Variants in ERH observed in about 807,000 individuals in gnomAD.
The protein encoded by ERH is ERH mRNA splicing and mitosis factor.
A neutral mutation model predicts 16.8 loss-of-function variants in ERH; 1 was observed. The ratio of observed to expected loss-of-function variants is 0.06; its 90% CI spans 0.02 to 0.28. The LOEUF is 0.28. ERH is among the 10% of genes least tolerant of loss of function. The probability of loss-of-function intolerance (pLI) is 1.00; values close to 1 mark genes in which losing one functional copy is unlikely to be tolerated. For synonymous variants in ERH, 43 were observed against 43.6 expected (o/e 0.99, Z 0.05); for missense variants, 42 against 127.5 (o/e 0.33, Z 3.23).
chr14:69,397,454 A>G (rs1882373599), intron 1 of ERH, among the ~76,000 whole-genome samples: 1 of 148,888 alleles, frequency 6.7e-6, no homozygotes. Context: ...AAAAACAGGA[A>G]AAAAAAAAAA....
chr14:69,390,124 C>T (rs908405750), intron 2 of ERH, among the ~76,000 whole-genome samples: 1 of 150,178 alleles, frequency 6.7e-6, no homozygotes, highest in African/African-American at 2.4e-5. Context: ...AGTTGGAAGA[C>T]CTGATGCCAA....
intron 3 of ERH, among the ~76,000 whole-genome samples, chr14:69,382,794 GA>G (rs57755714): frequency 0.023 from 2,799 of 119,994 alleles, 40 homozygotes; most frequent in Non-Finnish European, 0.021. Flanking sequence ...ATCTCCAAAA[GA>G]AAAAAAAAAA....
At chr14:69,387,197 G>T in intron 2 of ERH, 114 bp from the exon 3 acceptor site, 1 of 809,490 alleles carries the variant, frequency 1.2e-6, no homozygotes, top group Non-Finnish European at 1.9e-6. Flanking sequence ...AATAAAGTTG[G>T]GCTGGGGAAA....
intron 1 of ERH, among the ~76,000 whole-genome samples, chr14:69,396,840 G>T (rs1194891550): frequency 6.6e-6 from 1 of 152,154 alleles, no homozygotes; most frequent in African/African-American, 2.4e-5. Context: ...GCCACAGAAA[G>T]CATCATATTA....
chr14:69,382,048 G>A (rs1351824294), intron 3 of ERH, among the ~76,000 whole-genome samples: 1 of 152,194 alleles, frequency 6.6e-6, no homozygotes, highest in Non-Finnish European at 1.5e-5. Context: ...TATTAGCTAG[G>A]TAATGCTGGA....
At chr14:69,387,958 A>G (rs917051746) in intron 2 of ERH, among the ~76,000 whole-genome samples, 3 of 152,204 alleles carry the variant, frequency 2.0e-5, no homozygotes, top group African/African-American at 7.2e-5. Context: ...AAGCAGGAGA[A>G]TGGCATGAAC....
chr14:69,398,168 G>A, intron 1 of ERH, 63 bp downstream of exon 1: 1 of 1,606,786 alleles, frequency 6.2e-7, no homozygotes, highest in South Asian at 1.1e-5. Context: ...GAAAACGTAT[G>A]GGGCTGGGGT....
chr14:69,388,235 C>G (rs1380424125), intron 2 of ERH, among the ~76,000 whole-genome samples: 2 of 151,974 alleles, frequency 1.3e-5, no homozygotes, highest in Non-Finnish European at 2.9e-5. Context: ...AGCACATGAA[C>G]AAGGATATAA....
intron 2 of ERH, among the ~76,000 whole-genome samples, chr14:69,392,126 T>A (rs1272591192): frequency 6.6e-6 from 1 of 150,660 alleles, no homozygotes; most frequent in Non-Finnish European, 1.5e-5. Context: ...AAAAACATGG[T>A]CTTAAATAAA....
intron 2 of ERH, among the ~76,000 whole-genome samples, chr14:69,393,970 A>G (rs1212219376): frequency 6.6e-6 from 1 of 151,514 alleles, no homozygotes; most frequent in African/African-American, 2.4e-5. Context: ...GCAATAAGCC[A>G]TTATCACCAC....
intron 2 of ERH, among the ~76,000 whole-genome samples, chr14:69,388,550 C>A (rs993480489): frequency 1.3e-5 from 2 of 151,994 alleles, no homozygotes; most frequent in Non-Finnish European, 2.9e-5. Context: ...TTAGTAGAGA[C>A]GGGGTTTTAC....
At chr14:69,394,936 A>G in intron 1 of ERH, 24 bp from the exon 2 acceptor site, 3 of 1,515,010 alleles carry the variant, frequency 2.0e-6, no homozygotes, top group Non-Finnish European at 2.7e-6. Flanking sequence ...CATGATTTCA[A>G]TATAAGTTTC....
intron 2 of ERH, among the ~76,000 whole-genome samples, chr14:69,394,024 GAAA>G: frequency 7.7e-6 from 1 of 129,402 alleles, no homozygotes; most frequent in Admixed American, 7.8e-5. Flanking sequence ...GTGTCTTAAG[GAAA>G]AAAAAAAAAA....
At position 69,397,778 on chromosome 14, in the gene ERH, C is replaced by A. The variant is rs879289135; in HGVS notation, c.3+453G>T. Among the ~76,000 whole-genome samples, 7 of 152,140 alleles carry A rather than the reference C, an allele frequency of 4.6e-5. No individual in the cohort carries two copies. The East Asian group carries it at 7.7e-4, about 17-fold the overall frequency. On this transcript the variant is annotated intron_variant, in intron 1 of 3. Transcript: ENST00000557016. ...TGCTAAAATAAAAAAATTAGCCGAGCGAGGTGGCGGGCGCCTGTAATCCCA... is the reference window on the plus strand; with the variant it reads ...TGCTAAAATAAAAAAATTAGCCGAGAGAGGTGGCGGGCGCCTGTAATCCCA...
rs990558248 is a variant in ERH at position 69,385,558 on chromosome 14, T to A, written c.212+1405A>T. On this transcript the variant is annotated intron_variant, in intron 3 of 3. Transcript: ENST00000557016. ...ATCCCATCAGCCTGCAAACTTACCA[T>A]TACTTTTCCCACTTAAAAAAAAGCA... Among the ~76,000 whole-genome samples, 20 of 151,934 alleles carry A rather than the reference T, an allele frequency of 1.3e-4. No homozygotes were observed. In the South Asian group the frequency reaches 1.7e-3, roughly 13 times the overall value.
At position 69,385,960 on chromosome 14, in the gene ERH, G is replaced by T. The variant is rs143921561; in HGVS notation, c.212+1003C>A. Among the ~76,000 whole-genome samples the T allele has an allele frequency of 6.6e-5, 10 of 152,212 alleles. No homozygotes were observed. The East Asian group carries it at 1.9e-3, about 29-fold the overall frequency. ...CTGCAGCCTCAAAGGCTTCCTTAAT[G>T]ACTTCAAACATGCTAGGCACTCCTA... is the stretch of plus-strand genomic sequence containing the variant. On this transcript the variant is annotated intron_variant, in intron 3 of 3. Transcript: ENST00000557016.
chr14:69,397,730 C>G (rs533556067), intron 1 of ERH, among the ~76,000 whole-genome samples: 5 of 152,218 alleles, frequency 3.3e-5, no homozygotes, highest in Admixed American at 2.6e-4. Flanking sequence ...ACCAGCCTGG[C>G]CAACATGGTG....
chr14:69,386,951 G>C lies in ERH; in HGVS notation c.212+12C>G, dbSNP rs2045896955. The C allele has an allele frequency of 1.2e-6, 2 of 1,611,844 alleles. No homozygotes were observed. Among genetic ancestry groups the C allele is most frequent in the African/African-American group, 1.3e-5 (1 of 74,854 alleles). The stretch of plus-strand genomic sequence containing the variant: ...AAAATACAAGATAAAAGACATGTTG[G>C]CTAATACTTACACCAGGCAGCTGAG... On this transcript the variant is annotated intron_variant, in intron 3 of 3. Coordinates refer to ENST00000557016, the MANE Select transcript of ERH (RefSeq NM_004450.3).
intron 3 of ERH, among the ~76,000 whole-genome samples, chr14:69,382,837 G>C (rs1203542719): frequency 6.6e-6 from 1 of 151,152 alleles, no homozygotes; most frequent in Non-Finnish European, 1.5e-5. Flanking sequence ...ATGGAAAGCT[G>C]TGTGTCGATG....
Sources: allele counts gnomAD v4.1 joint callset (sites outside exome capture counted in the v4.1 genomes callset), GRCh38; gene constraint gnomAD v4.1.1; transcripts MANE v1.5; gene names NCBI Gene and HGNC (gene_info 2026-07-23, HGNC 2026-07-21).